Variants in IFT74 observed in about 807,000 individuals in gnomAD.
IFT74 encodes intraflagellar transport protein 74 homolog.
In IFT74, 92 loss-of-function variants were observed where a neutral mutation model predicts 96.7. That is an observed-to-expected ratio of 0.95 (90% CI 0.80 to 1.13). IFT74 has a LOEUF of 1.13. IFT74 is among the 50% of genes most tolerant of loss of function. The pLI, the probability that IFT74 is intolerant of heterozygous loss-of-function variation, is 0.00. For synonymous variants in IFT74, 223 were observed against 213.2 expected (o/e 1.05, Z -0.40); for missense variants, 811 against 698.2 (o/e 1.16, Z -1.82).
At chr9:26,962,136 C>G (rs1826394089) in intron 2 of IFT74, 49 bp downstream of exon 2, 1 of 1,589,778 alleles carries the variant, frequency 6.3e-7, no homozygotes, top group African/African-American at 1.3e-5. Context: ...GGTGGGAGGA[C>G]CACTTGAGTC....
At chr9:27,041,517 C>A (rs913074893) in intron 13 of IFT74, among the ~76,000 whole-genome samples, 10 of 152,052 alleles carry the variant, frequency 6.6e-5, no homozygotes, top group African/African-American at 2.4e-4. Flanking sequence ...TCAAATGCTC[C>A]GAATTAAAGG....
chr9:26,978,007 G>T lies in IFT74; in HGVS notation c.121-121G>T. 5.3e-6 allele frequency: 4 copies of T among 750,810 alleles called. No homozygotes were observed. The South Asian group carries it at 7.1e-5, about 13-fold the overall frequency. The allele number at this position is 750,810 out of a possible 1,614,324, so 46.5% of individuals were successfully genotyped here. A position where few individuals can be genotyped will look rare whatever the true frequency, so the allele number is the denominator to read the frequency against. On this transcript the variant is annotated intron_variant, in intron 2 of 19. Coordinates refer to ENST00000380062, the MANE Select transcript of IFT74 (RefSeq NM_025103.4). ...ATAATTCAGACATTTAAAAAATAAG[G>T]AAATTTTTACAAATCAAGTAGAATT... is the stretch of plus-strand genomic sequence containing the variant.
At chr9:26,952,327 A>C (rs1321580119), upstream of IFT74, among the ~76,000 whole-genome samples, 4 of 147,822 alleles carry the variant, frequency 2.7e-5, no homozygotes, top group East Asian at 7.9e-4. Flanking sequence ...CCCAAGCTGG[A>C]GTGCAATGGC....
intron 13 of IFT74, among the ~76,000 whole-genome samples, chr9:27,031,726 AAAT>A (rs1477890086): frequency 2.1e-5 from 3 of 141,798 alleles, no homozygotes; most frequent in Non-Finnish European, 4.5e-5. Context: ...TAGCTAAATA[AAAT>A]AATAAATAAA....
At chr9:26,977,870 T>C (rs956977966) in intron 2 of IFT74, among the ~76,000 whole-genome samples, 17 of 152,212 alleles carry the variant, frequency 1.1e-4, no homozygotes, top group Non-Finnish European at 1.9e-4. Context: ...TTTGAGGTAT[T>C]ATAAATAATG....
intron 6 of IFT74, among the ~76,000 whole-genome samples, chr9:26,987,255 G>A (rs767040931): frequency 3.6e-4 from 54 of 151,694 alleles, no homozygotes; most frequent in Non-Finnish European, 7.7e-4. Flanking sequence ...AGGTGCCTGG[G>A]TAATATTTGT....
chr9:27,022,773 G>T (rs1309221991), intron 12 of IFT74, among the ~76,000 whole-genome samples: 5 of 151,814 alleles, frequency 3.3e-5, no homozygotes, highest in African/African-American at 1.2e-4. Context: ...CTCCCGAGTA[G>T]CTGGGACTAA....
intron 14 of IFT74, 79 bp from the exon 15 acceptor site, chr9:27,047,195 C>T (rs559603586): frequency 1.2e-6 from 1 of 824,002 alleles, no homozygotes; most frequent in Non-Finnish European, 1.9e-6. Context: ...CTAAAAAGCA[C>T]TCTTAAGAAC....
intron 14 of IFT74, among the ~76,000 whole-genome samples, chr9:27,045,000 A>G (rs1180470889): frequency 2.0e-5 from 3 of 152,224 alleles, no homozygotes; most frequent in African/African-American, 7.2e-5. Context: ...ATGAGTGTCT[A>G]TACGTTGGGG....
At chr9:26,951,276 G>C (rs1318351840) in intron 1 of IFT74, among the ~76,000 whole-genome samples, 2 of 152,200 alleles carry the variant, frequency 1.3e-5, no homozygotes, top group African/African-American at 2.4e-5. Context: ...GGTCAATATG[G>C]TTCAGGGCTG....
chr9:27,007,405 G>A (rs1163714663), intron 8 of IFT74, among the ~76,000 whole-genome samples: 2 of 152,090 alleles, frequency 1.3e-5, no homozygotes, highest in African/African-American at 4.8e-5. Context: ...TAATTCCACT[G>A]GGCTTCAGTA....
rs115172140 is a variant in IFT74 at position 26,971,128 on chromosome 9, G to A, written c.121-7000G>A. Among the ~76,000 whole-genome samples the A allele has an allele frequency of 4.4e-3, 664 of 152,274 alleles. 5 individuals are homozygous for A. Among genetic ancestry groups the A allele is most frequent in the African/African-American group, 0.015 (614 of 41,546 alleles). ...TTATAACTGCATTACTAGCAGTTGCGCTTGAGAAGGAGATAGTCTCTACAC... is the reference window on the plus strand; with the variant it reads ...TTATAACTGCATTACTAGCAGTTGCACTTGAGAAGGAGATAGTCTCTACAC... On this transcript the variant is annotated intron_variant, in intron 2 of 19. Transcript: ENST00000380062.
chr9:26,991,178 A>G (rs1827848282), intron 8 of IFT74, among the ~76,000 whole-genome samples: 1 of 152,222 alleles, frequency 6.6e-6, no homozygotes, highest in Non-Finnish European at 1.5e-5. Context: ...TACTGATAAA[A>G]CATTTGAAAG....
chr9:26,962,440 A>G (rs577768951), intron 2 of IFT74, among the ~76,000 whole-genome samples: 38 of 152,366 alleles, frequency 2.5e-4, no homozygotes, highest in African/African-American at 7.2e-4. Context: ...TAAAGCTGCA[A>G]TAATTTTAGT....
chr9:27,042,827 C>T (rs2131676416), intron 13 of IFT74, among the ~76,000 whole-genome samples: 1 of 152,270 alleles, frequency 6.6e-6, no homozygotes, highest in Admixed American at 6.5e-5. Flanking sequence ...TGCCACTTCA[C>T]ATGGGCAATG....
intron 1 of IFT74, among the ~76,000 whole-genome samples, chr9:26,958,254 G>A (rs1043013830): frequency 6.6e-5 from 10 of 152,180 alleles, no homozygotes; most frequent in African/African-American, 2.4e-4. Context: ...TGGTGTGATA[G>A]GTTCTGGAAT....
intron 8 of IFT74, among the ~76,000 whole-genome samples, chr9:26,992,895 C>T (rs563808760): frequency 1.3e-5 from 2 of 152,058 alleles, no homozygotes; most frequent in African/African-American, 2.4e-5. Flanking sequence ...TCTTCTCTTT[C>T]AATACAACCA....
rs772811282 is a variant in IFT74, at chr9:26,990,210, T to C, written c.587+15T>C. ...GAAAGACAAGCGTAAGTATAGCTAATTTAAAAATTAGATTCATAAGTAAGC... is the reference window on the plus strand; with the variant it reads ...GAAAGACAAGCGTAAGTATAGCTAACTTAAAAATTAGATTCATAAGTAAGC... On this transcript the variant is annotated intron_variant, in intron 8 of 19. Transcript: ENST00000380062. 3 of 1,311,932 alleles carry C rather than the reference T, an allele frequency of 2.3e-6. No homozygotes were observed. The highest frequency in any genetic ancestry group is 2.0e-6 in the Non-Finnish European group (2 of 986,594). The allele number at this position is 1,311,932 out of a possible 1,614,324, so 81.3% of individuals were successfully genotyped here. A position where few individuals can be genotyped will look rare whatever the true frequency, so the allele number is the denominator to read the frequency against.
At chr9:26,982,258 C>A in intron 4 of IFT74, 1 of 310,746 alleles carries the variant, frequency 3.2e-6, no homozygotes. Context: ...TTAATTAATT[C>A]ATAAGCTTTT....
Sources: gnomAD v4.1 joint callset for allele counts (sites outside exome capture counted in the v4.1 genomes callset) on GRCh38, gnomAD v4.1.1 for gene constraint, MANE v1.5 for transcripts, NCBI Gene and HGNC (gene_info 2026-07-23, HGNC 2026-07-21) for gene names.